SHANK2: variants seen among roughly 807,000 people sequenced by gnomAD.
The protein encoded by SHANK2 is SH3 and multiple ankyrin repeat domains protein 2.
SHANK2 carries 43 observed loss-of-function variants against 133.7 expected under a neutral mutation model. The observed-to-expected ratio is 0.32, with a 90% CI of 0.25 to 0.41. The LOEUF (loss-of-function observed/expected upper bound fraction) is 0.41. Ranked by LOEUF, SHANK2 falls within the 10% of genes least tolerant of loss-of-function variation. The pLI is 1.00. For missense variants in SHANK2, 1,994 were observed against 2,235.8 expected (o/e 0.89, Z 2.18); for synonymous variants, 1,017 against 952.8 (o/e 1.07, Z -1.24).
At chr11:70,532,268 C>T (rs1554973372) in intron 17 of SHANK2, among the ~76,000 whole-genome samples, 2 of 152,148 alleles carry the variant, frequency 1.3e-5, no homozygotes, top group African/African-American at 4.8e-5. Flanking sequence ...TGTCAGCAGG[C>T]AGGACTGCCC....
At position 70,568,653 on chromosome 11, in the gene SHANK2, C is replaced by CCG. The variant is rs1554982481; in HGVS notation, c.2062-65724_2062-65723dup. On this transcript the variant is annotated intron_variant, in intron 17 of 25. Coordinates refer to ENST00000601538, the MANE Select transcript of SHANK2 (RefSeq NM_012309.5). ...TGTGGGCAGCGGATTCCTGCCCCCC[C>CCG]CGCCCACTTCCTCCCGGCCGGGAGC... Among the ~76,000 whole-genome samples the CCG allele has an allele frequency of 2.3e-5, 3 of 129,998 alleles. 1 individual carries two copies. The highest frequency in any genetic ancestry group is 3.4e-5 in the Non-Finnish European group (2 of 58,816). The allele number at this position is 129,998 out of a possible 152,430, so 85.3% of individuals were successfully genotyped here.
At chr11:70,572,851 A>G (rs1347849928) in intron 17 of SHANK2, among the ~76,000 whole-genome samples, 2 of 152,152 alleles carry the variant, frequency 1.3e-5, no homozygotes, top group African/African-American at 4.8e-5. Flanking sequence ...CCGTCTCTCA[A>G]ACTTACACAT....
At chr11:70,687,047 T>C (rs1945171948) in intron 15 of SHANK2, among the ~76,000 whole-genome samples, 1 of 152,206 alleles carries the variant, frequency 6.6e-6, no homozygotes, top group Admixed American at 6.5e-5. Flanking sequence ...GCCCAGCCTG[T>C]CTCAGGGTTT....
At chr11:70,866,084 G>A (rs187862952) in intron 11 of SHANK2, among the ~76,000 whole-genome samples, 8 of 152,126 alleles carry the variant, frequency 5.3e-5, no homozygotes, top group Non-Finnish European at 1.2e-4. Flanking sequence ...CCAATTCCGC[G>A]CGCAGATGCC....
intron 2 of SHANK2, among the ~76,000 whole-genome samples, chr11:71,169,954 G>A (rs887287959): frequency 1.1e-4 from 16 of 152,014 alleles, no homozygotes; most frequent in Admixed American, 9.8e-4. Context: ...AGGCTGCAGT[G>A]CTCTGTGACC....
chr11:70,534,463 A>C (rs1422867328), intron 17 of SHANK2, among the ~76,000 whole-genome samples: 2 of 152,328 alleles, frequency 1.3e-5, no homozygotes, highest in South Asian at 2.1e-4. Flanking sequence ...AGATGCAGCC[A>C]AACCATATCA....
At chr11:70,871,755 G>A (rs185592982) in intron 11 of SHANK2, among the ~76,000 whole-genome samples, 277 of 152,272 alleles carry the variant, frequency 1.8e-3, no homozygotes, top group African/African-American at 4.3e-3. Flanking sequence ...TGGCCACATG[G>A]GGGCTGGGAG....
intron 23 of SHANK2, chr11:70,489,628 C>T: frequency 1.9e-6 from 1 of 528,552 alleles, no homozygotes; most frequent in Non-Finnish European, 3.4e-6. Flanking sequence ...TCTCACAGGG[C>T]AAGGGCCTTA....
intron 11 of SHANK2, among the ~76,000 whole-genome samples, chr11:70,844,707 T>C (rs1555062697): frequency 6.6e-6 from 1 of 152,190 alleles, no homozygotes; most frequent in Non-Finnish European, 1.5e-5. Context: ...ACTTTCCCCA[T>C]GATCAATAAC....
At position 71,169,706 on chromosome 11, in the gene SHANK2, G is replaced by A. The variant is rs141486443; in HGVS notation, c.-12-22368C>T. Reference sequence around the variant, plus strand: ...GCAGAGGTTGCAGTGAGCTGAGATCGTACCACTGCAGCAGCTCCACCCTGG... The same window carrying A: ...GCAGAGGTTGCAGTGAGCTGAGATCATACCACTGCAGCAGCTCCACCCTGG... On this transcript the variant is annotated intron_variant, in intron 2 of 25. Transcript: ENST00000601538. Among the ~76,000 whole-genome samples, 880 of 143,778 alleles carry A rather than the reference G, an allele frequency of 6.1e-3. 8 individuals carry two copies. Among genetic ancestry groups the A allele is most frequent in the African/African-American group, 0.022 (843 of 38,576 alleles). The allele number at this position is 143,778 out of a possible 152,430, so 94.3% of individuals were successfully genotyped here. A position where few individuals can be genotyped will look rare whatever the true frequency, so the allele number is the denominator to read the frequency against.
intron 3 of SHANK2, among the ~76,000 whole-genome samples, chr11:71,135,943 G>T (rs1320480008): frequency 1.3e-5 from 2 of 152,132 alleles, no homozygotes; most frequent in Non-Finnish European, 2.9e-5. Context: ...GGTGATGAAG[G>T]CTGAGGGAAC....
At chr11:71,091,186 G>C (rs981974769) in intron 8 of SHANK2, among the ~76,000 whole-genome samples, 1 of 152,202 alleles carries the variant, frequency 6.6e-6, no homozygotes, top group African/African-American at 2.4e-5. Flanking sequence ...CCAAAGACCA[G>C]TCATTACTGC....
At chr11:70,912,687 G>A (rs947961862) in intron 10 of SHANK2, among the ~76,000 whole-genome samples, 5 of 152,126 alleles carry the variant, frequency 3.3e-5, no homozygotes, top group African/African-American at 7.2e-5. Flanking sequence ...TGAAGGGGGC[G>A]CTCCTGCAAG....
intron 14 of SHANK2, among the ~76,000 whole-genome samples, chr11:70,775,387 C>T (rs576940456): frequency 7.4e-4 from 113 of 152,188 alleles, no homozygotes; most frequent in Admixed American, 1.8e-3. Flanking sequence ...ACCTGGGAGG[C>T]GGAGGTTGCA....
chr11:70,831,714 G>A (rs942383102), intron 11 of SHANK2, among the ~76,000 whole-genome samples: 36 of 152,378 alleles, frequency 2.4e-4, no homozygotes, highest in African/African-American at 6.3e-4. Context: ...AAGTCCTGGC[G>A]GGGACGCCGT....
chr11:70,521,192 T>C (rs1030446330), intron 17 of SHANK2, among the ~76,000 whole-genome samples: 2 of 152,238 alleles, frequency 1.3e-5, no homozygotes, highest in Non-Finnish European at 2.9e-5. Context: ...TTGCTGAAAA[T>C]CTAGGTTCCT....
intron 14 of SHANK2, among the ~76,000 whole-genome samples, chr11:70,701,048 G>A (rs951858551): frequency 1.3e-5 from 2 of 152,218 alleles, no homozygotes; most frequent in African/African-American, 4.8e-5. Flanking sequence ...CTTTGTGCTG[G>A]CTGTCTAGGG....
chr11:70,893,647 A>T (rs1228540165), intron 11 of SHANK2, among the ~76,000 whole-genome samples: 1 of 152,100 alleles, frequency 6.6e-6, no homozygotes, highest in East Asian at 1.9e-4. Flanking sequence ...CAGATGAAAC[A>T]AGAGGTTTTT....
intron 17 of SHANK2, among the ~76,000 whole-genome samples, chr11:70,518,633 G>A (rs571772191): frequency 6.6e-6 from 1 of 152,304 alleles, no homozygotes; most frequent in African/African-American, 2.4e-5. Context: ...GCTTCTATTA[G>A]TGGTGGTCAG....
Sources: allele counts gnomAD v4.1 joint callset (sites outside exome capture counted in the v4.1 genomes callset), GRCh38; gene constraint gnomAD v4.1.1; transcripts MANE v1.5; gene names NCBI Gene and HGNC (gene_info 2026-07-23, HGNC 2026-07-21).